Variants in KCND3 observed in about 807,000 individuals in gnomAD.
KCND3 encodes the protein A-type voltage-gated potassium channel KCND3.
In KCND3, 9 loss-of-function variants were observed where a neutral mutation model predicts 51.1. That is an observed-to-expected ratio of 0.18 (90% CI 0.11 to 0.31). The LOEUF is 0.31. Among genes scored for constraint, KCND3 ranks in the 10% least tolerant of loss-of-function variants. KCND3 has a pLI of 1.00. For missense variants in KCND3, 526 were observed against 903.8 expected (o/e 0.58, Z 5.36); for synonymous variants, 349 against 368.0 (o/e 0.95, Z 0.59).
At chr1:111,856,843 C>T (rs1668096989) in intron 2 of KCND3, 1 of 152,288 alleles carries the variant, frequency 6.6e-6, no homozygotes, top group Admixed American at 6.5e-5. Flanking sequence ...CCCCTGTCCT[C>T]TGGGCAAGCA....
At chr1:111,934,953 C>T (rs1392314355) in intron 2 of KCND3, among the ~76,000 whole-genome samples, 1 of 152,222 alleles carries the variant, frequency 6.6e-6, no homozygotes, top group Admixed American at 6.5e-5. Context: ...CACTCAACAA[C>T]TATTAGCTAT....
intron 2 of KCND3, among the ~76,000 whole-genome samples, chr1:111,960,191 C>T (rs1673570151): frequency 6.6e-6 from 1 of 152,142 alleles, no homozygotes; most frequent in South Asian, 2.1e-4. Flanking sequence ...TAATACACAG[C>T]CCTTTCCCAC....
At chr1:111,916,252 G>A (rs1194041910) in intron 2 of KCND3, among the ~76,000 whole-genome samples, 1 of 151,850 alleles carries the variant, frequency 6.6e-6, no homozygotes, top group African/African-American at 2.4e-5. Context: ...TTAAACTAGA[G>A]ATAAAAAATA....
At chr1:111,878,098 G>A (rs1309694346) in intron 2 of KCND3, among the ~76,000 whole-genome samples, 2 of 152,168 alleles carry the variant, frequency 1.3e-5, no homozygotes, top group South Asian at 4.1e-4. Flanking sequence ...GATGATGTGT[G>A]CCTGGGACAA....
intron 2 of KCND3, among the ~76,000 whole-genome samples, chr1:111,912,619 A>G (rs1052030724): frequency 6.6e-6 from 1 of 152,210 alleles, no homozygotes; most frequent in Non-Finnish European, 1.5e-5. Context: ...TTATTGCCCC[A>G]GATGACCTTC....
chr1:111,869,364 A>G (rs954725900), intron 2 of KCND3, among the ~76,000 whole-genome samples: 1 of 152,020 alleles, frequency 6.6e-6, no homozygotes, highest in African/African-American at 2.4e-5. Context: ...CCTTCATCCA[A>G]ATTTGTCCAT....
rs1336413916 is a variant in KCND3, at chr1:111,914,948, AT to A, written c.1106+66672del. On this transcript the variant is annotated intron_variant, in intron 2 of 7. Transcript: ENST00000302127. ...AAATTTTCACTGTATTGTTGGATTT[AT>A]AAAATATAGAGGTAAAATATATGAC... Among the ~76,000 whole-genome samples, 4 of 152,348 alleles carry A rather than the reference AT, an allele frequency of 2.6e-5. No homozygotes were observed. The East Asian group carries it at 5.8e-4, about 22-fold the overall frequency.
chr1:111,778,340 A>G, intron 6 of KCND3, 96 bp downstream of exon 6: 1 of 1,127,272 alleles, frequency 8.9e-7, no homozygotes, highest in South Asian at 1.2e-5. Flanking sequence ...TCAGCAGCAC[A>G]TGCACAGAAC....
intron 2 of KCND3, among the ~76,000 whole-genome samples, chr1:111,974,664 T>C (rs945002754): frequency 1.3e-5 from 2 of 152,192 alleles, no homozygotes; most frequent in Non-Finnish European, 2.9e-5. Flanking sequence ...GGCATTTCCC[T>C]CCTCCTGAAG....
chr1:111,885,137 T>C (rs913202675), intron 2 of KCND3, among the ~76,000 whole-genome samples: 4 of 152,216 alleles, frequency 2.6e-5, no homozygotes, highest in Non-Finnish European at 5.9e-5. Context: ...AGATATTTGA[T>C]AGATTTGGAT....
chr1:111,843,465 A>G (rs901585447), intron 2 of KCND3, among the ~76,000 whole-genome samples: 11 of 152,220 alleles, frequency 7.2e-5, no homozygotes, highest in Non-Finnish European at 1.5e-4. Context: ...GGGGCCCACA[A>G]GGAGAGCTAA....
intron 2 of KCND3, among the ~76,000 whole-genome samples, chr1:111,832,728 T>C (rs902785481): frequency 3.3e-5 from 5 of 152,214 alleles, no homozygotes; most frequent in African/African-American, 9.6e-5. Context: ...ATAAATGTGA[T>C]GCCGAAGATA....
intron 2 of KCND3, among the ~76,000 whole-genome samples, chr1:111,973,224 C>T (rs1571926629): frequency 1.3e-5 from 2 of 152,230 alleles, no homozygotes; most frequent in East Asian, 1.9e-4. Flanking sequence ...GACTATGCCA[C>T]TGGGAGAAAT....
At chr1:111,807,791 TATG>T (rs1369686751) in intron 2 of KCND3, among the ~76,000 whole-genome samples, 1 of 152,270 alleles carries the variant, frequency 6.6e-6, no homozygotes, top group Non-Finnish European at 1.5e-5. Context: ...AAGTACACTG[TATG>T]ATGTTTGCAT....
intron 1 of KCND3, among the ~76,000 whole-genome samples, chr1:111,987,612 G>T (rs931501958): frequency 1.3e-5 from 2 of 152,210 alleles, no homozygotes; most frequent in African/African-American, 4.8e-5. Flanking sequence ...ACCCACTCAA[G>T]TAGGCCTTCT....
chr1:111,878,352 C>T (rs1046648566), intron 2 of KCND3, among the ~76,000 whole-genome samples: 4 of 152,220 alleles, frequency 2.6e-5, no homozygotes, highest in African/African-American at 4.8e-5. Context: ...CTAGTCAGCA[C>T]GAGCTCAGCT....
At chr1:111,778,933 TTTTCACCCATATCC>T (rs1302455417) in intron 5 of KCND3, among the ~76,000 whole-genome samples, 1 of 152,118 alleles carries the variant, frequency 6.6e-6, no homozygotes, top group Non-Finnish European at 1.5e-5. Context: ...AACCCAAATA[TTTTCACCCATATCC>T]TTTCAATTTA....
intron 1 of KCND3, among the ~76,000 whole-genome samples, chr1:111,984,308 T>G (rs974432987): frequency 2.6e-5 from 4 of 152,226 alleles, no homozygotes; most frequent in Admixed American, 2.6e-4. Flanking sequence ...ACTGGACTTT[T>G]CTGCTCAGAT....
At chr1:111,872,843 C>T (rs1185383785) in intron 2 of KCND3, among the ~76,000 whole-genome samples, 1 of 152,196 alleles carries the variant, frequency 6.6e-6, no homozygotes, top group Non-Finnish European at 1.5e-5. Flanking sequence ...TTTACAAAGG[C>T]AGATGTCTCC....
Sources: allele counts gnomAD v4.1 joint callset (sites outside exome capture counted in the v4.1 genomes callset), GRCh38; gene constraint gnomAD v4.1.1; transcripts MANE v1.5; gene names NCBI Gene and HGNC (gene_info 2026-07-23, HGNC 2026-07-21).